SYTL3: variants seen among roughly 807,000 people sequenced by gnomAD.
SYTL3 encodes the protein synaptotagmin like 3.
A neutral mutation model predicts 82.1 loss-of-function variants in SYTL3; 88 were observed. The observed-to-expected ratio is 1.07, with a 90% CI of 0.90 to 1.28. SYTL3 has a LOEUF of 1.28. Ranked by LOEUF, SYTL3 falls within the 50% of genes most tolerant of loss-of-function variation. The probability of loss-of-function intolerance (pLI) is 0.00; values close to 1 mark genes in which losing one functional copy is unlikely to be tolerated. For synonymous variants in SYTL3, 311 were observed against 289.4 expected (o/e 1.07, Z -0.76); for missense variants, 831 against 757.6 (o/e 1.10, Z -1.14).
intron 11 of SYTL3, among the ~76,000 whole-genome samples, chr6:158,734,094 CAAAA>C (rs560547617): frequency 1.3e-5 from 1 of 74,536 alleles, no homozygotes. Context: ...GACCCTGTCT[CAAAA>C]AAAAAAAAAA....
At chr6:158,657,845 T>A (rs373755688) in intron 2 of SYTL3, among the ~76,000 whole-genome samples, 1 of 142,888 alleles carries the variant, frequency 7.0e-6, no homozygotes, top group East Asian at 2.1e-4. Context: ...AACAAAATAG[T>A]CTTCCTTCCA....
intron 11 of SYTL3, chr6:158,726,715 A>G (rs1347827748): frequency 1.1e-5 from 3 of 265,306 alleles, no homozygotes; most frequent in Non-Finnish European, 2.3e-5. Context: ...TTTCCCCAGC[A>G]TCTAATTTCC....
rs370892189 is a variant in SYTL3 at position 158,753,293 on chromosome 6, G to C, written c.1137+1263G>C. ...AGATGGGGTTTCACCATGTTGACCA[G>C]GCTGGTCTTGAACTCCTGACCCCAG... On this transcript the variant is annotated intron_variant, in intron 13 of 17. Coordinates refer to ENST00000611299, the MANE Select transcript of SYTL3 (RefSeq NM_001242394.2). 1.4e-4 allele frequency among the ~76,000 whole-genome samples: 22 copies of C among 151,806 alleles called. No homozygotes were observed. In the East Asian group the frequency reaches 3.7e-3, roughly 26 times the overall value.
At chr6:158,654,950 C>G (rs1458167563) in intron 2 of SYTL3, among the ~76,000 whole-genome samples, 4 of 152,106 alleles carry the variant, frequency 2.6e-5, no homozygotes, top group African/African-American at 9.7e-5. Context: ...AAGACAGGCA[C>G]CATTACAAAA....
intron 13 of SYTL3, among the ~76,000 whole-genome samples, chr6:158,754,182 A>G (rs1788776823): frequency 1.3e-5 from 2 of 152,206 alleles, no homozygotes; most frequent in African/African-American, 2.4e-5. Context: ...GCGAGGATCT[A>G]GAAATTGATC....
chr6:158,680,261 A>G (rs317789), intron 5 of SYTL3, among the ~76,000 whole-genome samples: 63,832 of 151,842 alleles, frequency 0.42, 16,020 homozygotes, highest in African/African-American at 0.71. Flanking sequence ...TCCCACAAGT[A>G]CTCCAGGGGA....
At chr6:158,693,845 T>TTTTC (rs1562384145) in intron 6 of SYTL3, among the ~76,000 whole-genome samples, 2 of 76,814 alleles carry the variant, frequency 2.6e-5, no homozygotes, top group South Asian at 8.9e-4. Flanking sequence ...CCAGCCTTTC[T>TTTTC]TTTTCTTTTC....
At chr6:158,720,852 C>T (rs1399524563) in intron 10 of SYTL3, among the ~76,000 whole-genome samples, 3 of 152,202 alleles carry the variant, frequency 2.0e-5, no homozygotes, top group African/African-American at 7.2e-5. Flanking sequence ...GTCCACGCCC[C>T]AGAGGTGAGA....
intron 14 of SYTL3, among the ~76,000 whole-genome samples, chr6:158,758,294 T>C (rs1329687834): frequency 2.6e-5 from 4 of 152,174 alleles, no homozygotes; most frequent in Non-Finnish European, 5.9e-5. Flanking sequence ...AAAAATTAGC[T>C]GGGTGTGGTG....
At chr6:158,666,190 A>T (rs1790031131) in intron 5 of SYTL3, among the ~76,000 whole-genome samples, 1 of 152,208 alleles carries the variant, frequency 6.6e-6, no homozygotes, top group Non-Finnish European at 1.5e-5. Flanking sequence ...TTAGCACTTA[A>T]TTTATCTCCT....
Position 158,668,717 on chromosome 6 carries a change from G to A in SYTL3, c.329+3104G>A, listed in dbSNP as rs529791257. On this transcript the variant is annotated intron_variant, in intron 5 of 17. Coordinates refer to ENST00000611299, the MANE Select transcript of SYTL3 (RefSeq NM_001242394.2). ...GTTGCTGCAGTGAATGAGAGGCACCGAGGGAGGAGGCTGGTGGCAATAGTG... is the reference window on the plus strand; with the variant it reads ...GTTGCTGCAGTGAATGAGAGGCACCAAGGGAGGAGGCTGGTGGCAATAGTG... Among the ~76,000 whole-genome samples the A allele has an allele frequency of 2.4e-4, 37 of 152,326 alleles. No individual in the cohort carries two copies. In the South Asian group the frequency reaches 4.1e-3, roughly 17 times the overall value.
chr6:158,674,933 G>A (rs1406107501), intron 5 of SYTL3, among the ~76,000 whole-genome samples: 1 of 150,374 alleles, frequency 6.7e-6, no homozygotes, highest in Non-Finnish European at 1.5e-5. Flanking sequence ...CTCATTTACA[G>A]TTTCTGCTTG....
At chr6:158,759,396 C>T (rs937426049) in intron 14 of SYTL3, among the ~76,000 whole-genome samples, 2 of 152,224 alleles carry the variant, frequency 1.3e-5, no homozygotes, top group Admixed American at 1.3e-4. Flanking sequence ...GGCTGGCCCA[C>T]GCGGGCTCCC....
intron 6 of SYTL3, among the ~76,000 whole-genome samples, chr6:158,693,861 T>C (rs1045273775): frequency 7.2e-6 from 1 of 138,886 alleles, no homozygotes. Context: ...TTTTCTTTTT[T>C]TTTTTTTTTT....
intron 1 of SYTL3, among the ~76,000 whole-genome samples, chr6:158,650,321 C>A (rs1348082377): frequency 1.3e-5 from 2 of 150,886 alleles, no homozygotes; most frequent in South Asian, 2.1e-4. Flanking sequence ...TAATTAAAAA[C>A]CAAAACAAAA....
At chr6:158,690,751 A>T (rs1356926873) in intron 6 of SYTL3, among the ~76,000 whole-genome samples, 1 of 152,124 alleles carries the variant, frequency 6.6e-6, no homozygotes, top group East Asian at 1.9e-4. Flanking sequence ...ATAACTGGAT[A>T]TTTAGTTTTG....
chr6:158,752,484 A>AT (rs1399045081), intron 13 of SYTL3, among the ~76,000 whole-genome samples: 1 of 152,030 alleles, frequency 6.6e-6, no homozygotes, highest in African/African-American at 2.4e-5. Context: ...TTCTAATTTT[A>AT]TTTTTTTTAA....
rs983707080 is a variant in SYTL3, at chr6:158,651,857, T to G, written c.-637+15T>G. ...TCCTCTCTCAGGTAGGCTTCAAGTT[T>G]TATAGATTCAAGCCCACGTGTGAGT... On this transcript the variant is annotated intron_variant, in intron 2 of 17. Coordinates refer to ENST00000611299, the MANE Select transcript of SYTL3 (RefSeq NM_001242394.2). The G allele has an allele frequency of 9.2e-5, 14 of 151,894 alleles. No homozygotes were observed. Among genetic ancestry groups the G allele is most frequent in the Non-Finnish European group, 1.9e-4 (13 of 67,974 alleles). The allele number at this position is 151,894 out of a possible 1,614,324, so 9.4% of individuals were successfully genotyped here.
Position 158,705,372 on chromosome 6 carries a change from G to A in SYTL3, c.395-1858G>A, listed in dbSNP as rs1358432591. On this transcript the variant is annotated intron_variant, in intron 6 of 17. Coordinates refer to ENST00000611299, the MANE Select transcript of SYTL3 (RefSeq NM_001242394.2). ...AGGCCACATAGGGCAGGAGGGACCCGGGGCAGGGTGACAGTGAGGGCTGTA... is the reference window on the plus strand; with the variant it reads ...AGGCCACATAGGGCAGGAGGGACCCAGGGCAGGGTGACAGTGAGGGCTGTA... 5.7e-4 allele frequency among the ~76,000 whole-genome samples: 76 copies of A among 134,288 alleles called. 2 individuals carry two copies. Among genetic ancestry groups the A allele is most frequent in the Middle Eastern group, 4.4e-3 (1 of 228 alleles). The allele number at this position is 134,288 out of a possible 152,430, so 88.1% of individuals were successfully genotyped here.
Sources: gnomAD v4.1 joint callset for allele counts (sites outside exome capture counted in the v4.1 genomes callset) on GRCh38, gnomAD v4.1.1 for gene constraint, MANE v1.5 for transcripts, NCBI Gene and HGNC (gene_info 2026-07-23, HGNC 2026-07-21) for gene names.